The following OR14K1 variants were observed in gnomAD, a reference collection of about 807,000 sequenced individuals.
OR14K1 encodes olfactory receptor 14K1.
For missense variants in OR14K1, 253 were observed against 174.4 expected (o/e 1.45, Z -2.54); for synonymous variants, 104 against 70.0 (o/e 1.49, Z -2.42).
rs371164281 is a variant in OR14K1, at chr1:247,739,367, A to G, written c.753A>G (p.Val251=). The G allele has an allele frequency of 2.6e-6, 2 of 780,648 alleles. No homozygotes were observed. Among genetic ancestry groups the G allele is most frequent in the Non-Finnish European group, 4.8e-6 (2 of 417,968 alleles). 48.4% of individuals were successfully genotyped at this position (780,648 alleles called of 1,614,324 possible). The change falls in exon 1 of 1, where the codon GTA becomes GTG. Residue 251 remains valine (V), a synonymous_variant. Transcript: ENST00000283225. The part of the protein sequence containing the change: ...PHLIVVTVFL[V]TGAVAYLKPG... ...TCATTGTTGTCACTGTGTTTCTTGTAACAGGTGCTGTTGCTTATTTAAAGC... is the reference window on the plus strand; with the variant it reads ...TCATTGTTGTCACTGTGTTTCTTGTGACAGGTGCTGTTGCTTATTTAAAGC...
rs765876069 is a variant in OR14K1, at chr1:247,739,001, C to A, written c.387C>A (p.His129Gln). The change falls in exon 1 of 1, where the codon CAC becomes CAA. Residue 129 changes from histidine (H) to glutamine (Q), a missense_variant. Coordinates refer to ENST00000283225, the MANE Select transcript of OR14K1 (RefSeq NM_001004732.2). ...DRYAAICCPL[H>Q]CEAVMSRGLC... ...ATGCTGCCATCTGCTGCCCCCTACA[C>A]TGTGAGGCTGTCATGAGCAGAGGGC... 5 of 780,706 alleles carry A rather than the reference C, an allele frequency of 6.4e-6. No homozygotes were observed. The East Asian group carries it at 9.7e-5, about 15-fold the overall frequency. 48.4% of individuals were successfully genotyped at this position (780,706 alleles called of 1,614,324 possible).
Position 247,738,861 on chromosome 1 carries a change from T to C in OR14K1, c.247T>C (p.Ser83Pro). Residue 83 changes from serine to proline, a missense_variant, in exon 1 of 1, where the codon TCT becomes CCT. Physicochemically the swap from Ser to Pro is moderately conservative, Grantham distance 74 (BLOSUM62 -1). Transcript: ENST00000283225. ...CACAGTCCCCAAATCCATCCTCAAC[T>C]CTGTCGCCTCCACTGACTCCATCTC... Reference protein sequence around the residue: ...SATVPKSILNSVASTDSISFL... With the variant: ...SATVPKSILNPVASTDSISFL... 1.3e-6 allele frequency: 1 copy of C among 780,770 alleles called. No homozygotes were observed. The allele number at this position is 780,770 out of a possible 1,614,324, so 48.4% of individuals were successfully genotyped here.
Position 247,738,823 on chromosome 1 carries a change from G to A in OR14K1, c.209G>A (p.Cys70Tyr), listed in dbSNP as rs1660738156. 1.3e-6 allele frequency: 1 copy of A among 780,542 alleles called. No individual in the cohort carries two copies. Among genetic ancestry groups the A allele is most frequent in the Non-Finnish European group, 2.4e-6 (1 of 417,948 alleles). The allele number at this position is 780,542 out of a possible 1,614,324, so 48.4% of individuals were successfully genotyped here. A position where few individuals can be genotyped will look rare whatever the true frequency, so the allele number is the denominator to read the frequency against. ...FLRHLSFLDLCLISATVPKSI... is the reference protein window; with the variant it reads ...FLRHLSFLDLYLISATVPKSI... ...CGACATTTGTCCTTCTTAGACCTGT[G>A]TCTCATTTCTGCCACAGTCCCCAAA... Residue 70 changes from cysteine to tyrosine, a missense_variant, in exon 1 of 1, where the codon TGT (cysteine) becomes TAT (tyrosine). Coordinates refer to ENST00000283225, the MANE Select transcript of OR14K1 (RefSeq NM_001004732.2).
rs767085763 is a variant in OR14K1 at position 247,738,752 on chromosome 1, C to T, written c.138C>T (p.Leu46=). ...AVLMNLVIIL[L]MILDHRLHMA... ...TGATGAATTTAGTCATCATTCTCCT[C>T]ATGATTCTGGACCATCGTCTCCACA... Residue 46 remains leucine, a synonymous_variant, in exon 1 of 1, where the codon CTC becomes CTT. Transcript: ENST00000283225. 16 of 780,734 alleles carry T rather than the reference C, an allele frequency of 2.0e-5. No homozygotes were observed. Among genetic ancestry groups the T allele is most frequent in the Admixed American group, 1.5e-4 (9 of 59,002 alleles). The allele number at this position is 780,734 out of a possible 1,614,324, so 48.4% of individuals were successfully genotyped here.
the OR14K1 span, chr1:247,739,507 CT>C: frequency 1.3e-6 from 1 of 780,814 alleles, no homozygotes; most frequent in East Asian, 2.4e-5. Context: ...ATTAAATCCG[CT>C]CTGAGTAAAG....
Position 247,739,102 on chromosome 1 carries a change from C to T in OR14K1, c.488C>T (p.Ser163Phe). ...CTCTTGTACACAGCTGGAACATTCTCTCTGAATTTTTATGGCTCTGATGAG... is the reference window on the plus strand; with the variant it reads ...CTCTTGTACACAGCTGGAACATTCTTTCTGAATTTTTATGGCTCTGATGAG... ...LGLLYTAGTF[S>F]LNFYGSDELH... The change falls in exon 1 of 1, where the codon TCT (serine) becomes TTT (phenylalanine). Residue 163 changes from serine to phenylalanine, a missense_variant. Coordinates refer to ENST00000283225, the MANE Select transcript of OR14K1 (RefSeq NM_001004732.2). 1 of 780,892 alleles carries T rather than the reference C, an allele frequency of 1.3e-6. No individual in the cohort carries two copies. The highest frequency in any genetic ancestry group is 1.3e-5 in the South Asian group (1 of 74,618). 48.4% of individuals were successfully genotyped at this position (780,892 alleles called of 1,614,324 possible). A position where few individuals can be genotyped will look rare whatever the true frequency, so the allele number is the denominator to read the frequency against.
Position 247,738,976 on chromosome 1 carries a change from A to G in OR14K1, c.362A>G (p.Tyr121Cys), listed in dbSNP as rs771664755. The G allele has an allele frequency of 5.1e-6, 4 of 780,424 alleles. No homozygotes were observed. Among genetic ancestry groups the G allele is most frequent in the African/African-American group, 3.4e-5 (2 of 59,010 alleles). 48.3% of individuals were successfully genotyped at this position (780,424 alleles called of 1,614,324 possible). Residue 121 changes from tyrosine to cysteine, a missense_variant, in exon 1 of 1, where the codon TAT (tyrosine) becomes TGT (cysteine). Transcript: ENST00000283225. ...GILTAMSYDRYAAICCPLHCE... is the reference protein window; with the variant it reads ...GILTAMSYDRCAAICCPLHCE... ...CTTACTGCCATGTCCTATGACCGCTATGCTGCCATCTGCTGCCCCCTACAC... is the reference window on the plus strand; with the variant it reads ...CTTACTGCCATGTCCTATGACCGCTGTGCTGCCATCTGCTGCCCCCTACAC...
chr1:247,738,896 G>T lies in OR14K1; in HGVS notation c.282G>T (p.Gly94=), dbSNP rs754150340. 1.3e-6 allele frequency: 1 copy of T among 780,636 alleles called. No homozygotes were observed. Among genetic ancestry groups the T allele is most frequent in the Admixed American group, 1.7e-5 (1 of 59,012 alleles). The allele number at this position is 780,636 out of a possible 1,614,324, so 48.4% of individuals were successfully genotyped here. A position where few individuals can be genotyped will look rare whatever the true frequency, so the allele number is the denominator to read the frequency against. ...CCACTGACTCCATCTCCTTCCTGGG[G>T]TGTGTGTTGCAGCTCTTCTTGGTGG... is the stretch of plus-strand genomic sequence containing the variant. The part of the protein sequence containing the change: ...VASTDSISFL[G]CVLQLFLVVL... The change falls in exon 1 of 1, where the codon GGG becomes GGT. Residue 94 remains glycine, a synonymous_variant. Coordinates refer to ENST00000283225, the MANE Select transcript of OR14K1 (RefSeq NM_001004732.2).
rs771821916 is a variant in OR14K1, at chr1:247,738,771, C to G, written c.157C>G (p.Leu53Val). 2.6e-6 allele frequency: 2 copies of G among 780,856 alleles called. No homozygotes were observed. The highest frequency in any genetic ancestry group is 3.4e-5 in the Admixed American group (2 of 59,038). The allele number at this position is 780,856 out of a possible 1,614,324, so 48.4% of individuals were successfully genotyped here. The change falls in exon 1 of 1, where the codon CTC (leucine) becomes GTC (valine). Residue 53 changes from leucine (L) to valine (V), a missense_variant. Transcript: ENST00000283225. ...TCTCCTCATGATTCTGGACCATCGT[C>G]TCCACATGGCAATGTACTTTTTCCT... ...IILLMILDHR[L>V]HMAMYFFLRH...
chr1:247,739,375 C>T lies in OR14K1; in HGVS notation c.761C>T (p.Ala254Val), dbSNP rs61731394. The part of the protein sequence containing the change: ...IVVTVFLVTG[A>V]VAYLKPGSDA... Reference sequence around the variant, plus strand: ...GTCACTGTGTTTCTTGTAACAGGTGCTGTTGCTTATTTAAAGCCAGGGTCT... The same window carrying T: ...GTCACTGTGTTTCTTGTAACAGGTGTTGTTGCTTATTTAAAGCCAGGGTCT... Residue 254 changes from alanine to valine, a missense_variant, in exon 1 of 1, where the codon GCT (alanine) becomes GTT (valine). Coordinates refer to ENST00000283225, the MANE Select transcript of OR14K1 (RefSeq NM_001004732.2). 2.4e-3 allele frequency: 1,868 copies of T among 780,776 alleles called. 27 individuals carry two copies. The African/African-American group carries it at 0.028, about 12-fold the overall frequency. The allele number at this position is 780,776 out of a possible 1,614,324, so 48.4% of individuals were successfully genotyped here.
rs778580249 is a variant in OR14K1, at chr1:247,739,507, C to T, written c.893C>T (p.Ala298Val). The T allele has an allele frequency of 5.1e-6, 4 of 780,696 alleles. No homozygotes were observed. The highest frequency in any genetic ancestry group is 9.6e-6 in the Non-Finnish European group (4 of 417,978). The allele number at this position is 780,696 out of a possible 1,614,324, so 48.4% of individuals were successfully genotyped here. ...CTGAAGAACAAGGACATTAAATCCG[C>T]TCTGAGTAAAGTCCTGTGGAATGTT... ...YCLKNKDIKSALSKVLWNVRS... is the reference protein window; with the variant it reads ...YCLKNKDIKSVLSKVLWNVRS... The change falls in exon 1 of 1, where the codon GCT becomes GTT. Residue 298 changes from alanine (A) to valine (V), a missense_variant. Ala to Val is a moderately conservative substitution (Grantham distance 64). Transcript: ENST00000283225.
chr1:247,739,555 G>T lies in OR14K1; in HGVS notation c.941G>T (p.Arg314Ile). 2 of 771,654 alleles carry T rather than the reference G, an allele frequency of 2.6e-6. No homozygotes were observed. The highest frequency in any genetic ancestry group is 4.8e-6 in the Non-Finnish European group (2 of 414,148). 47.8% of individuals were successfully genotyped at this position (771,654 alleles called of 1,614,324 possible). The change falls in exon 1 of 1, where the codon AGA becomes ATA. Residue 314 changes from arginine (R) to isoleucine (I), a missense_variant. Coordinates refer to ENST00000283225, the MANE Select transcript of OR14K1 (RefSeq NM_001004732.2). ...WNVRSSGVMK[R>I] ...GTTAGAAGCAGTGGGGTAATGAAAA[G>T]ATGACTAAAGTTGAAGATGGGAAGT... is the stretch of plus-strand genomic sequence containing the variant.
chr1:247,738,780 G>A lies in OR14K1; in HGVS notation c.166G>A (p.Ala56Thr), dbSNP rs1187912223. The A allele has an allele frequency of 3.8e-6, 3 of 780,732 alleles. No individual in the cohort carries two copies. Among genetic ancestry groups the A allele is most frequent in the Non-Finnish European group, 7.2e-6 (3 of 417,952 alleles). The allele number at this position is 780,732 out of a possible 1,614,324, so 48.4% of individuals were successfully genotyped here. A position where few individuals can be genotyped will look rare whatever the true frequency, so the allele number is the denominator to read the frequency against. ...LMILDHRLHM[A>T]MYFFLRHLSF... ...GATTCTGGACCATCGTCTCCACATG[G>A]CAATGTACTTTTTCCTCCGACATTT... Residue 56 changes from alanine (A) to threonine (T), a missense_variant, in exon 1 of 1, where the codon GCA becomes ACA. By Grantham distance (58) the Ala-to-Thr change is moderately conservative (BLOSUM62 0). Transcript: ENST00000283225.
the OR14K1 span, chr1:247,739,300 GAC>G: frequency 1.3e-6 from 1 of 780,830 alleles, no homozygotes; most frequent in East Asian, 2.4e-5. Flanking sequence ...ATATCACAGA[GAC>G]AGAGACAATC....
In OR14K1 at chr1:247,739,290, A is replaced by G. The variant is rs769582195; in HGVS notation, c.676A>G (p.Ile226Val). The change falls in exon 1 of 1, where the codon ATA becomes GTA. Residue 226 changes from isoleucine (I) to valine (V), a missense_variant. By Grantham distance (29) the Ile-to-Val change is conservative. Transcript: ENST00000283225. ...YVYIFSAVLRISQRQRQSKAF... is the reference protein window; with the variant it reads ...YVYIFSAVLRVSQRQRQSKAF... ...GTACATTTTCTCTGCTGTGTTAAGG[A>G]TATCACAGAGACAGAGACAATCCAA... The G allele has an allele frequency of 2.6e-6, 2 of 780,768 alleles. No individual in the cohort carries two copies. Among genetic ancestry groups the G allele is most frequent in the Non-Finnish European group, 4.8e-6 (2 of 417,970 alleles). 48.4% of individuals were successfully genotyped at this position (780,768 alleles called of 1,614,324 possible).
Position 247,739,247 on chromosome 1 carries a change from C to T in OR14K1, c.633C>T (p.Cys211=). 1 of 780,822 alleles carries T rather than the reference C, an allele frequency of 1.3e-6. No homozygotes were observed. Among genetic ancestry groups the T allele is most frequent in the Non-Finnish European group, 2.4e-6 (1 of 417,986 alleles). The allele number at this position is 780,822 out of a possible 1,614,324, so 48.4% of individuals were successfully genotyped here. A position where few individuals can be genotyped will look rare whatever the true frequency, so the allele number is the denominator to read the frequency against. The change falls in exon 1 of 1, where the codon TGC becomes TGT. Residue 211 remains cysteine (C), a synonymous_variant. Transcript: ENST00000283225. ...GVCYAFSCLV[C]IVVSYVYIFS... is the part of the protein sequence containing the mutation. ...GTTATGCATTTTCATGTTTAGTTTG[C>T]ATTGTAGTTTCCTATGTGTACATTT... is the stretch of plus-strand genomic sequence containing the variant.
rs376802380 is a variant in OR14K1, at chr1:247,738,867, G to A, written c.253G>A (p.Ala85Thr). The change falls in exon 1 of 1, where the codon GCC (alanine) becomes ACC (threonine). Residue 85 changes from alanine to threonine, a missense_variant. Physicochemically the swap from Ala to Thr is moderately conservative, Grantham distance 58. Coordinates refer to ENST00000283225, the MANE Select transcript of OR14K1 (RefSeq NM_001004732.2). ...TVPKSILNSV[A>T]STDSISFLGC... ...CCCCAAATCCATCCTCAACTCTGTCGCCTCCACTGACTCCATCTCCTTCCT... is the reference window on the plus strand; with the variant it reads ...CCCCAAATCCATCCTCAACTCTGTCACCTCCACTGACTCCATCTCCTTCCT... The A allele has an allele frequency of 3.1e-5, 24 of 780,364 alleles. No homozygotes were observed. The highest frequency in any genetic ancestry group is 5.5e-5 in the Non-Finnish European group (23 of 417,928). The allele number at this position is 780,364 out of a possible 1,614,324, so 48.3% of individuals were successfully genotyped here.
chr1:247,739,347 G>A lies in OR14K1; in HGVS notation c.733G>A (p.Val245Ile), dbSNP rs1660758222. The change falls in exon 1 of 1, where the codon GTT becomes ATT. Residue 245 changes from valine (V) to isoleucine (I), a missense_variant. Coordinates refer to ENST00000283225, the MANE Select transcript of OR14K1 (RefSeq NM_001004732.2). ...AFSNCVPHLI[V>I]VTVFLVTGAV... is the part of the protein sequence containing the mutation. ...TTCCAACTGTGTGCCTCACCTCATT[G>A]TTGTCACTGTGTTTCTTGTAACAGG... 5.1e-6 allele frequency: 4 copies of A among 780,816 alleles called. No homozygotes were observed. The highest frequency in any genetic ancestry group is 9.6e-6 in the Non-Finnish European group (4 of 417,972). 48.4% of individuals were successfully genotyped at this position (780,816 alleles called of 1,614,324 possible). A position where few individuals can be genotyped will look rare whatever the true frequency, so the allele number is the denominator to read the frequency against.
Position 247,739,229 on chromosome 1 carries a change from A to G in OR14K1, c.615A>G (p.Ala205=), listed in dbSNP as rs1660751923. 3 of 780,606 alleles carry G rather than the reference A, an allele frequency of 3.8e-6. No individual in the cohort carries two copies. In the East Asian group the frequency reaches 7.3e-5, roughly 19 times the overall value. 48.4% of individuals were successfully genotyped at this position (780,606 alleles called of 1,614,324 possible). ...GTGTGGCCATTGGGGTCTGTTATGCATTTTCATGTTTAGTTTGCATTGTAG... is the reference window on the plus strand; with the variant it reads ...GTGTGGCCATTGGGGTCTGTTATGCGTTTTCATGTTTAGTTTGCATTGTAG... ...SVSVAIGVCY[A]FSCLVCIVVS... The change falls in exon 1 of 1, where the codon GCA becomes GCG. Residue 205 remains alanine, a synonymous_variant. Transcript: ENST00000283225.
Sources: allele counts gnomAD v4.1 joint callset, GRCh38; gene constraint gnomAD v4.1.1; transcripts MANE v1.5; gene names NCBI Gene and HGNC (gene_info 2026-07-23, HGNC 2026-07-21).